Variants in PRKCG observed in about 807,000 individuals in gnomAD.
PRKCG encodes the protein protein kinase C gamma.
Under a neutral mutation model 82.0 loss-of-function variants are expected in PRKCG, and 28 were observed. That is an observed-to-expected ratio of 0.34 (90% confidence interval 0.25 to 0.47). PRKCG has a LOEUF of 0.47. Ranked by LOEUF, PRKCG falls within the 20% of genes least tolerant of loss-of-function variation. PRKCG has a pLI of 1.00. For missense variants in PRKCG, 640 were observed against 952.7 expected, an observed-to-expected ratio of 0.67 and a Z score of 4.32; for synonymous variants, 383 against 376.6, an observed-to-expected ratio of 1.02 and a Z score of -0.20.
chr19:53,892,387 C>CCGA lies in PRKCG; in HGVS notation c.687-120_687-118dup. 1 of 1,457,420 alleles carries CCGA rather than the reference C, an allele frequency of 6.9e-7. No individual in the cohort carries two copies. Among genetic ancestry groups the CCGA allele is most frequent in the Non-Finnish European group, 9.2e-7 (1 of 1,082,044 alleles). 90.3% of individuals were successfully genotyped at this position (1,457,420 alleles called of 1,614,324 possible). A position where few individuals can be genotyped will look rare whatever the true frequency, so the allele number is the denominator to read the frequency against. On this transcript the variant is annotated intron_variant, in intron 6 of 17. Transcript: ENST00000263431. The surrounding 1 kb of genome is among the most constrained non-coding windows in gnomAD (Gnocchi z 5.9). ...GGCTGGGAAGGTCAGAGGTCGGAGACCGACAAAGCAGGAGAGGAGCCCCAG... is the reference window on the plus strand; with the variant it reads ...GGCTGGGAAGGTCAGAGGTCGGAGACCGACGACAAAGCAGGAGAGGAGCCCCAG...
chr19:53,903,442 G>A (rs1374662267), intron 15 of PRKCG, among the ~76,000 whole-genome samples: 1 of 152,096 alleles, frequency 6.6e-6, no homozygotes, highest in Non-Finnish European at 1.5e-5. Flanking sequence ...TAATACATAC[G>A]CAGAAAACCA....
intron 3 of PRKCG, among the ~76,000 whole-genome samples, chr19:53,885,200 G>A (rs1038814679): frequency 3.3e-5 from 5 of 152,260 alleles, no homozygotes; most frequent in Admixed American, 1.3e-4. Context: ...ATTCCATTTC[G>A]TGTCATTTGA....
In PRKCG at chr19:53,898,567, G is replaced by A. The variant is rs1599949888; in HGVS notation, c.1220G>A (p.Gly407Asp). 1.2e-6 allele frequency: 2 copies of A among 1,611,774 alleles called. No homozygotes were observed. The highest frequency in any genetic ancestry group is 1.3e-5 in the African/African-American group (1 of 74,962). Residue 407 changes from glycine (G) to aspartate (D), a missense_variant, in exon 11 of 18, where the codon GGC (glycine) becomes GAC (aspartate). By Grantham distance (94) the Gly-to-Asp change is moderately conservative. Coordinates refer to ENST00000263431, the MANE Select transcript of PRKCG (RefSeq NM_002739.5). ...LVEKRVLALG[G>D]RGPGGRPHFL... is the part of the protein sequence containing the mutation. ...GAGAAACGTGTGCTGGCGCTGGGGG[G>A]CCGGGGTCCTGGCGGCCGGCCCCAC...
Position 53,904,700 on chromosome 19 carries a change from C to T in PRKCG, c.1722C>T (p.Tyr574=), listed in dbSNP as rs34616316. The T allele has an allele frequency of 1.3e-3, 2,101 of 1,613,862 alleles. 28 individuals carry two copies. The African/African-American group carries it at 0.024, about 19-fold the overall frequency. The part of the protein sequence containing the change: ...FQAIMEQTVT[Y]PKSLSREAVA... ...CCATCATGGAACAAACTGTCACCTA[C>T]CCCAAGTCGCTTTCCCGGGAAGCCG... The change falls in exon 16 of 18, where the codon TAC becomes TAT. Residue 574 remains tyrosine, a synonymous_variant. Transcript: ENST00000263431.
Position 53,883,233 on chromosome 19 carries a change from G to T in PRKCG, c.202+39G>T. On this transcript the variant is annotated intron_variant, in intron 2 of 17. Transcript: ENST00000263431. This position sits in a 1 kb window ranked among gnomAD's most constrained non-coding sequence, Gnocchi z 5.4. ...ACCGGGGCTCCTGGGACCCTCAGGAGGGTGGAGGCTGGGGCCCCACAGCTG... is the reference window on the plus strand; with the variant it reads ...ACCGGGGCTCCTGGGACCCTCAGGATGGTGGAGGCTGGGGCCCCACAGCTG... 1 of 1,613,328 alleles carries T rather than the reference G, an allele frequency of 6.2e-7. No homozygotes were observed.
At chr19:53,903,864 T>C (rs1292383585) in intron 15 of PRKCG, among the ~76,000 whole-genome samples, 1 of 152,190 alleles carries the variant, frequency 6.6e-6, no homozygotes. Context: ...ATATTTAAAA[T>C]TGGAAAATGG....
chr19:53,897,882 CTG>C (rs2068728743), intron 9 of PRKCG, 75 bp from the exon 10 acceptor site: 1 of 1,590,734 alleles, frequency 6.3e-7, no homozygotes, highest in East Asian at 2.2e-5. Context: ...TTCTTGGGTG[CTG>C]TGTCTCTTGG....
intron 10 of PRKCG, 89 bp from the exon 11 acceptor site, chr19:53,898,351 C>T: frequency 6.5e-7 from 1 of 1,531,638 alleles, no homozygotes; most frequent in Non-Finnish European, 9.0e-7. Flanking sequence ...GGCCTGGGAT[C>T]CCGTTTCCCT....
intron 9 of PRKCG, among the ~76,000 whole-genome samples, chr19:53,896,537 G>T (rs1012520528): frequency 1.3e-5 from 2 of 152,056 alleles, no homozygotes; most frequent in African/African-American, 4.8e-5. Context: ...CTCCTGCCTT[G>T]GCCTCCCAAG....
Position 53,889,941 on chromosome 19 carries a change from TGTGGACCACAC to T in PRKCG, c.454_464del (p.Val152ArgfsTer17). ...TGCGTAGCGTGCCCTCCCTGTGCGGTGTGGACCACACCGAGCGCCGCGGGCGCCTGCAGCTG... is the reference window on the plus strand; with the variant it reads ...TGCGTAGCGTGCCCTCCCTGTGCGGTCGAGCGCCGCGGGCGCCTGCAGCTG... On this transcript the variant is annotated frameshift_variant, in exon 5 of 18. Coordinates refer to ENST00000263431, the MANE Select transcript of PRKCG (RefSeq NM_002739.5). LOFTEE classifies it high-confidence loss of function. This position sits in a 1 kb window ranked among gnomAD's most constrained non-coding sequence, Gnocchi z 4.4. The T allele has an allele frequency of 6.3e-7, 1 of 1,581,348 alleles. No homozygotes were observed. Among genetic ancestry groups the T allele is most frequent in the Non-Finnish European group, 8.6e-7 (1 of 1,164,852 alleles).
chr19:53,883,692 T>G lies in PRKCG; in HGVS notation c.203-469T>G. ...CCAGCTGCTACTGCTGAGAACAGAG[T>G]GAGTCAGGGTGGGGGGCGGGCCGGC... On this transcript the variant is annotated intron_variant, in intron 2 of 17. Coordinates refer to ENST00000263431, the MANE Select transcript of PRKCG (RefSeq NM_002739.5). The surrounding 1 kb of genome is among the most constrained non-coding windows in gnomAD (Gnocchi z 5.4). 1.0e-5 allele frequency among the ~76,000 whole-genome samples: 1 copy of G among 98,334 alleles called. No homozygotes were observed. The highest frequency in any genetic ancestry group is 2.0e-5 in the Non-Finnish European group (1 of 50,200). The allele number at this position is 98,334 out of a possible 152,430, so 64.5% of individuals were successfully genotyped here.
chr19:53,890,138 C>A, intron 5 of PRKCG, 121 bp downstream of exon 5: 1 of 1,112,010 alleles, frequency 9.0e-7, no homozygotes, highest in Non-Finnish European at 1.3e-6. Flanking sequence ...TTTCTATGGT[C>A]ACGCCCACAC....
intron 5 of PRKCG, among the ~76,000 whole-genome samples, chr19:53,890,439 G>A (rs1409623241): frequency 6.8e-6 from 1 of 146,222 alleles, no homozygotes; most frequent in African/African-American, 2.5e-5. Flanking sequence ...TGTATTTTTA[G>A]TACAAACGGG....
chr19:53,899,014 G>GATCATTA (rs1418192059), intron 11 of PRKCG, among the ~76,000 whole-genome samples: 1 of 147,236 alleles, frequency 6.8e-6, no homozygotes, highest in Non-Finnish European at 1.5e-5. Context: ...CAGGCGATGG[G>GATCATTA]ATCATTAATA....
At chr19:53,890,485 T>G (rs190125564) in intron 5 of PRKCG, among the ~76,000 whole-genome samples, 52 of 152,144 alleles carry the variant, frequency 3.4e-4, no homozygotes, top group Middle Eastern at 3.4e-3. Flanking sequence ...CTCGAACTCC[T>G]GACCCCAGGT....
Position 53,892,726 on chromosome 19 carries a change from G to T in PRKCG, c.821+83G>T. ...TGTGGTCTCTCTCCTCCAGGCCACT[G>T]TCCTTCCCTCTGCCTCCCAGCATGC... On this transcript the variant is annotated intron_variant, in intron 7 of 17. Coordinates refer to ENST00000263431, the MANE Select transcript of PRKCG (RefSeq NM_002739.5). This position sits in a 1 kb window ranked among gnomAD's most constrained non-coding sequence, Gnocchi z 5.9. The T allele has an allele frequency of 6.6e-7, 1 of 1,523,696 alleles. No homozygotes were observed. The highest frequency in any genetic ancestry group is 1.9e-5 in the Admixed American group (1 of 52,234). 94.4% of individuals were successfully genotyped at this position (1,523,696 alleles called of 1,614,324 possible).
chr19:53,886,369 G>A (rs1179527365), intron 3 of PRKCG, among the ~76,000 whole-genome samples: 1 of 152,074 alleles, frequency 6.6e-6, no homozygotes, highest in Non-Finnish European at 1.5e-5. Context: ...CTCCCAAAGT[G>A]CTGGGATTAC....
At position 53,897,897 on chromosome 19, in the gene PRKCG, G is replaced by A; in HGVS notation, c.940-62G>A. On this transcript the variant is annotated intron_variant, in intron 9 of 17. Coordinates refer to ENST00000263431, the MANE Select transcript of PRKCG (RefSeq NM_002739.5). ...TTCTTGGGTGCTGTGTCTCTTGGGA[G>A]CATTTCCTTATCGCTGTGTAAGGTC... The A allele has an allele frequency of 3.7e-6, 6 of 1,607,614 alleles. No homozygotes were observed. In the South Asian group the frequency reaches 6.6e-5, roughly 18 times the overall value.
chr19:53,900,107 T>C lies in PRKCG; in HGVS notation c.1282-126T>C. On this transcript the variant is annotated intron_variant, in intron 11 of 17. Coordinates refer to ENST00000263431, the MANE Select transcript of PRKCG (RefSeq NM_002739.5). This position sits in a 1 kb window ranked among gnomAD's most constrained non-coding sequence, Gnocchi z 4.2. Reference sequence around the variant, plus strand: ...CTTAGGGCCCTCCCAGGGATGTGGCTAGGTGCTCTGAATTTCTGGTTGGGT... The same window carrying C: ...CTTAGGGCCCTCCCAGGGATGTGGCCAGGTGCTCTGAATTTCTGGTTGGGT... 3.4e-6 allele frequency: 3 copies of C among 876,544 alleles called. No individual in the cohort carries two copies. The highest frequency in any genetic ancestry group is 5.7e-6 in the Non-Finnish European group (3 of 526,718). The allele number at this position is 876,544 out of a possible 1,614,324, so 54.3% of individuals were successfully genotyped here.
Sources: gnomAD v4.1 joint callset for allele counts (sites outside exome capture counted in the v4.1 genomes callset) on GRCh38, gnomAD v4.1.1 for gene constraint, Gnocchi (gnomAD v3.1) non-coding constraint, MANE v1.5 for transcripts, NCBI Gene and HGNC (gene_info 2026-07-23, HGNC 2026-07-21) for gene names.